The following MTPN variants were observed in gnomAD, a reference collection of about 807,000 sequenced individuals.
The protein encoded by MTPN is granule cell differentiation protein.
In MTPN, 2 loss-of-function variants were observed where a neutral mutation model predicts 13.5. The ratio of observed to expected loss-of-function variants is 0.15; its 90% CI spans 0.06 to 0.47. The LOEUF (loss-of-function observed/expected upper bound fraction) is 0.47. Among genes scored for constraint, MTPN ranks in the 20% least tolerant of loss-of-function variants. MTPN has a pLI of 0.97. For synonymous variants in MTPN, 46 were observed against 51.7 expected (o/e 0.89, Z 0.48); for missense variants, 79 against 137.9 (o/e 0.57, Z 2.14).
chr7:135,943,560 T>C (rs1274576877), intron 3 of MTPN, among the ~76,000 whole-genome samples: 1 of 152,258 alleles, frequency 6.6e-6, no homozygotes, highest in African/African-American at 2.4e-5. Context: ...TAAATCTCTA[T>C]AGCAATTATA....
chr7:135,937,811 A>C (rs2116350247), intron 3 of MTPN, among the ~76,000 whole-genome samples: 1 of 152,266 alleles, frequency 6.6e-6, no homozygotes, highest in South Asian at 2.1e-4. Flanking sequence ...AAGCAAAGAA[A>C]ATGAGGATAA....
chr7:135,940,296 T>C (rs1799189353), intron 3 of MTPN, among the ~76,000 whole-genome samples: 1 of 152,220 alleles, frequency 6.6e-6, no homozygotes, highest in Non-Finnish European at 1.5e-5. Flanking sequence ...ATTATTCAAA[T>C]ACCTACAATT....
chr7:135,938,000 A>ATTACT (rs1476835992), intron 3 of MTPN, among the ~76,000 whole-genome samples: 2 of 152,174 alleles, frequency 1.3e-5, no homozygotes, highest in Non-Finnish European at 2.9e-5. Flanking sequence ...GGTGAACAGT[A>ATTACT]AGCTATTAGT....
intron 3 of MTPN, among the ~76,000 whole-genome samples, chr7:135,943,020 T>C (rs1799237954): frequency 6.6e-6 from 1 of 152,240 alleles, no homozygotes; most frequent in African/African-American, 2.4e-5. Flanking sequence ...CTTGTAGATA[T>C]ATCACTCTGG....
At chr7:135,976,174 T>C (rs1002317168) in intron 1 of MTPN, among the ~76,000 whole-genome samples, 1 of 152,208 alleles carries the variant, frequency 6.6e-6, no homozygotes, top group Non-Finnish European at 1.5e-5. Flanking sequence ...GCTTGGAATT[T>C]TAAGTTTCCC....
At position 135,928,210 on chromosome 7, in the gene MTPN, T is replaced by C. The variant is rs1798956184; in HGVS notation, c.*1716A>G. The C allele has an allele frequency of 6.0e-6, 1 of 167,318 alleles. No individual in the cohort carries two copies. The highest frequency in any genetic ancestry group is 2.4e-5 in the African/African-American group (1 of 41,420). The allele number at this position is 167,318 out of a possible 1,614,324, so 10.4% of individuals were successfully genotyped here. ...TTAAACCACTACTTTGTGATTGTTTTCTTGGATGTAGGAAAATTACAGGGT... is the reference window on the plus strand; with the variant it reads ...TTAAACCACTACTTTGTGATTGTTTCCTTGGATGTAGGAAAATTACAGGGT... On this transcript the variant is annotated 3_prime_UTR_variant, in exon 4 of 4. Coordinates refer to ENST00000393085, the MANE Select transcript of MTPN (RefSeq NM_145808.4).
In MTPN at chr7:135,951,589, A is replaced by G. The variant is rs1562932670; in HGVS notation, c.114T>C (p.Pro38=). 2 of 1,613,682 alleles carry G rather than the reference A, an allele frequency of 1.2e-6. No individual in the cohort carries two copies. The highest frequency in any genetic ancestry group is 2.2e-5 in the South Asian group (2 of 91,028). ...VNRTLEGGRK[P]LHYAADCGQL... is the part of the protein sequence containing the mutation. ...GCCCACAATCTGCTGCATAATGAAG[A>G]GGTTTCCTTCCACCTTCTAGTGTCC... Residue 38 remains proline (P), a synonymous_variant, in exon 2 of 4, where the codon CCT becomes CCC. Coordinates refer to ENST00000393085, the MANE Select transcript of MTPN (RefSeq NM_145808.4).
chr7:135,970,129 TTAAA>T (rs1258364550), intron 1 of MTPN, among the ~76,000 whole-genome samples: 1 of 152,164 alleles, frequency 6.6e-6, no homozygotes, highest in African/African-American at 2.4e-5. Flanking sequence ...ACGGGAATAG[TTAAA>T]TAAACATCCA....
At chr7:135,958,698 C>T (rs1317748463) in intron 1 of MTPN, among the ~76,000 whole-genome samples, 2 of 152,142 alleles carry the variant, frequency 1.3e-5, no homozygotes, top group African/African-American at 2.4e-5. Flanking sequence ...GTTTAACAGT[C>T]ACAACACACT....
intron 1 of MTPN, 103 bp downstream of exon 1, chr7:135,976,926 C>CG: frequency 4.5e-6 from 3 of 665,030 alleles, no homozygotes; most frequent in African/African-American, 1.8e-5. Flanking sequence ...GAAGTCTCTC[C>CG]TCCCGCCCAC....
chr7:135,945,757 G>A lies in MTPN; in HGVS notation c.270+4842C>T, dbSNP rs1207456330. Among the ~76,000 whole-genome samples the A allele has an allele frequency of 2.0e-5, 3 of 152,080 alleles. No homozygotes were observed. In the East Asian group the frequency reaches 5.8e-4, roughly 29 times the overall value. ...CTCTAGTCTAAAATAAGAATAAAAA[G>A]CATAGTATAGTAAATACATAAACAT... On this transcript the variant is annotated intron_variant, in intron 3 of 3. Transcript: ENST00000393085.
At chr7:135,974,251 C>T (rs985559754) in intron 1 of MTPN, among the ~76,000 whole-genome samples, 7 of 152,064 alleles carry the variant, frequency 4.6e-5, no homozygotes, top group Non-Finnish European at 7.4e-5. Context: ...AAAGGAAAAA[C>T]GGGTTCACAC....
chr7:135,932,890 G>A (rs1799046528), intron 3 of MTPN: 1 of 152,150 alleles, frequency 6.6e-6, no homozygotes, highest in Non-Finnish European at 1.5e-5. Flanking sequence ...AGGAGTTAGA[G>A]ACCAGCCCGG....
At chr7:135,943,886 A>G (rs1246761749) in intron 3 of MTPN, among the ~76,000 whole-genome samples, 2 of 152,244 alleles carry the variant, frequency 1.3e-5, no homozygotes, top group South Asian at 2.1e-4. Context: ...ATAGCTTATA[A>G]TAACAAATTA....
At chr7:135,956,179 G>A (rs956354761) in intron 1 of MTPN, among the ~76,000 whole-genome samples, 1 of 152,168 alleles carries the variant, frequency 6.6e-6, no homozygotes, top group African/African-American at 2.4e-5. Flanking sequence ...TTGATGCACC[G>A]GTGGTAGGTC....
chr7:135,960,582 A>G (rs1025918907), intron 1 of MTPN: 1 of 152,040 alleles, frequency 6.6e-6, no homozygotes, highest in Non-Finnish European at 1.5e-5. Flanking sequence ...AAAATCATAT[A>G]GCAAAAGAAA....
At chr7:135,970,884 C>T (rs1157440548) in intron 1 of MTPN, among the ~76,000 whole-genome samples, 1 of 151,974 alleles carries the variant, frequency 6.6e-6, no homozygotes, top group African/African-American at 2.4e-5. Context: ...GGTCACCAGC[C>T]CTTCTGTAGA....
At chr7:135,954,769 C>T (rs1474201259) in intron 1 of MTPN, among the ~76,000 whole-genome samples, 3 of 152,070 alleles carry the variant, frequency 2.0e-5, no homozygotes, top group South Asian at 2.1e-4. Flanking sequence ...GGTGAAACCC[C>T]GTCTCAACTA....
chr7:135,954,708 C>T (rs78988610), intron 1 of MTPN, among the ~76,000 whole-genome samples: 11,997 of 152,090 alleles, frequency 0.079, 540 homozygotes, highest in Admixed American at 0.1. Flanking sequence ...TTTGGGAGGC[C>T]GAGGCGGGAG....
Sources: allele counts gnomAD v4.1 joint callset (sites outside exome capture counted in the v4.1 genomes callset), GRCh38; gene constraint gnomAD v4.1.1; transcripts MANE v1.5; gene names NCBI Gene and HGNC (gene_info 2026-07-23, HGNC 2026-07-21).